The following PRKCA variants were observed in gnomAD, a reference collection of about 807,000 sequenced individuals.
The protein encoded by PRKCA is protein kinase C alpha.
PRKCA carries 27 observed loss-of-function variants against 87.0 expected under a neutral mutation model. The ratio of observed to expected loss-of-function variants is 0.31; its 90% CI spans 0.23 to 0.43. The LOEUF is 0.43. PRKCA is among the 20% of genes least tolerant of loss of function. The probability of loss-of-function intolerance (pLI) is 1.00; values close to 1 mark genes in which losing one functional copy is unlikely to be tolerated. For missense variants in PRKCA, 518 were observed against 852.3 expected (o/e 0.61, Z 4.88); for synonymous variants, 329 against 311.1 (o/e 1.06, Z -0.61).
At chr17:66,796,029 C>T (rs113254245) in intron 16 of PRKCA, among the ~76,000 whole-genome samples, 2 of 152,270 alleles carry the variant, frequency 1.3e-5, no homozygotes, top group African/African-American at 4.8e-5. Flanking sequence ...GAGCTGAGTA[C>T]TGTTTAATTT....
chr17:66,399,604 C>T (rs1029485582), intron 2 of PRKCA, among the ~76,000 whole-genome samples: 3 of 152,190 alleles, frequency 2.0e-5, no homozygotes, highest in Non-Finnish European at 4.4e-5. Flanking sequence ...TATCAAACAA[C>T]AGCTCTTGGT....
chr17:66,518,271 G>A (rs1216911801), intron 3 of PRKCA, among the ~76,000 whole-genome samples: 2 of 152,284 alleles, frequency 1.3e-5, no homozygotes, highest in Non-Finnish European at 1.5e-5. Context: ...CAGTAGAAAG[G>A]AAAATGTGAT....
chr17:66,760,422 T>C (rs977028018), intron 13 of PRKCA, among the ~76,000 whole-genome samples: 2 of 152,206 alleles, frequency 1.3e-5, no homozygotes, highest in Non-Finnish European at 2.9e-5. Flanking sequence ...AGGAAACTTA[T>C]AGTATTGAAT....
intron 4 of PRKCA, among the ~76,000 whole-genome samples, chr17:66,643,798 G>A (rs1971376367): frequency 6.6e-6 from 1 of 152,152 alleles, no homozygotes; most frequent in Non-Finnish European, 1.5e-5. Flanking sequence ...TCCACCTGGT[G>A]CAATTGCAAT....
intron 2 of PRKCA, among the ~76,000 whole-genome samples, chr17:66,382,589 C>T (rs1458783429): frequency 6.6e-6 from 1 of 152,124 alleles, no homozygotes; most frequent in Non-Finnish European, 1.5e-5. Flanking sequence ...CAGGCCACTG[C>T]GCCCAGCTGC....
intron 3 of PRKCA, among the ~76,000 whole-genome samples, chr17:66,567,869 C>T (rs1269458130): frequency 6.6e-6 from 1 of 152,176 alleles, no homozygotes; most frequent in African/African-American, 2.4e-5. Flanking sequence ...CATGCCATGA[C>T]TGTGATACAA....
At chr17:66,530,181 G>C (rs1046757900) in intron 3 of PRKCA, among the ~76,000 whole-genome samples, 1 of 152,198 alleles carries the variant, frequency 6.6e-6, no homozygotes, top group Non-Finnish European at 1.5e-5. Flanking sequence ...ATTTTGAACA[G>C]TCATGGTGGA....
chr17:66,405,551 A>G (rs1911321168), intron 2 of PRKCA, among the ~76,000 whole-genome samples: 1 of 152,162 alleles, frequency 6.6e-6, no homozygotes, highest in Admixed American at 6.5e-5. Flanking sequence ...AATAATAGGG[A>G]GAAAAAAAAA....
intron 2 of PRKCA, among the ~76,000 whole-genome samples, chr17:66,429,637 C>T (rs1423560261): frequency 6.6e-6 from 1 of 152,032 alleles, no homozygotes; most frequent in African/African-American, 2.4e-5. Flanking sequence ...CACCTAAGGT[C>T]CAACTGCTGA....
chr17:66,484,006 A>G (rs1598710675), intron 2 of PRKCA, among the ~76,000 whole-genome samples: 2 of 152,262 alleles, frequency 1.3e-5, no homozygotes, highest in East Asian at 1.9e-4. Flanking sequence ...AAAAAGTTTA[A>G]TGGGCTCACA....
At chr17:66,653,120 A>C (rs1971636068) in intron 5 of PRKCA, among the ~76,000 whole-genome samples, 1 of 152,226 alleles carries the variant, frequency 6.6e-6, no homozygotes, top group African/African-American at 2.4e-5. Flanking sequence ...AGACTGCCAC[A>C]GGCAGGTTCT....
chr17:66,517,276 C>A (rs953628004), intron 3 of PRKCA, among the ~76,000 whole-genome samples: 3 of 152,108 alleles, frequency 2.0e-5, no homozygotes, highest in African/African-American at 7.2e-5. Context: ...GAGTGAGAGT[C>A]CATCTCAAAA....
intron 2 of PRKCA, among the ~76,000 whole-genome samples, chr17:66,375,340 G>A (rs1050036939): frequency 2.6e-5 from 4 of 152,156 alleles, no homozygotes; most frequent in Non-Finnish European, 5.9e-5. Flanking sequence ...TAAGGGTACC[G>A]GGTTTGTACA....
At chr17:66,621,099 G>C (rs57083474) in intron 3 of PRKCA, among the ~76,000 whole-genome samples, 6,472 of 152,232 alleles carry the variant, frequency 0.043, 459 homozygotes, top group African/African-American at 0.15. Flanking sequence ...CTGTAGAGAA[G>C]ACTCTGGTTG....
intron 2 of PRKCA, among the ~76,000 whole-genome samples, chr17:66,358,129 T>C (rs1478310042): frequency 1.3e-5 from 2 of 152,228 alleles, no homozygotes; most frequent in Non-Finnish European, 2.9e-5. Flanking sequence ...TAGTCTATTC[T>C]AATTGATACA....
At chr17:66,780,133 C>T (rs1401836050) in intron 14 of PRKCA, among the ~76,000 whole-genome samples, 2 of 152,114 alleles carry the variant, frequency 1.3e-5, no homozygotes, top group Admixed American at 1.3e-4. Context: ...GATGCCACAC[C>T]TGGGACGTTA....
intron 3 of PRKCA, among the ~76,000 whole-genome samples, chr17:66,633,044 G>T (rs985193124): frequency 6.6e-6 from 1 of 152,086 alleles, no homozygotes; most frequent in Non-Finnish European, 1.5e-5. Context: ...AATTTCTTTC[G>T]TTCTTTCTTA....
chr17:66,719,561 C>A (rs1598895423), intron 8 of PRKCA, among the ~76,000 whole-genome samples: 1 of 152,112 alleles, frequency 6.6e-6, no homozygotes, highest in Non-Finnish European at 1.5e-5. Context: ...GAGGTCAGGA[C>A]CTCGAGACCA....
At chr17:66,753,546 A>G (rs1208783218) in intron 13 of PRKCA, among the ~76,000 whole-genome samples, 2 of 152,176 alleles carry the variant, frequency 1.3e-5, no homozygotes, top group African/African-American at 4.8e-5. Flanking sequence ...ATGAATTCTT[A>G]AGTCAAACTT....
Sources: allele counts gnomAD v4.1 joint callset (sites outside exome capture counted in the v4.1 genomes callset), GRCh38; gene constraint gnomAD v4.1.1; transcripts MANE v1.5; gene names NCBI Gene and HGNC (gene_info 2026-07-23, HGNC 2026-07-21).